DYNC2H1: variants seen among roughly 807,000 people sequenced by gnomAD.
DYNC2H1 encodes cytoplasmic dynein 2 heavy chain 1.
DYNC2H1 carries 410 observed loss-of-function variants against 570.0 expected under a neutral mutation model. The observed-to-expected ratio is 0.72, with a 90% CI of 0.66 to 0.78. The LOEUF (loss-of-function observed/expected upper bound fraction) is 0.78, where lower values mean the gene tolerates loss of function less well. Among genes scored for constraint, DYNC2H1 ranks in the 30% least tolerant of loss-of-function variants. The pLI, the probability that DYNC2H1 is intolerant of heterozygous loss-of-function variation, is 0.00. For synonymous variants in DYNC2H1, 1,688 were observed against 1,677.6 expected (o/e 1.01, Z -0.15); for missense variants, 4,865 against 5,046.4 (o/e 0.96, Z 1.09).
At chr11:103,312,565 AACC>A (rs1419070097) in intron 79 of DYNC2H1, among the ~76,000 whole-genome samples, 11 of 76,620 alleles carry the variant, frequency 1.4e-4, no homozygotes, top group East Asian at 1.2e-3. Context: ...AAAAAAAAAA[AACC>A]AATTGTAATG....
At chr11:103,172,309 C>G (rs1861608079) in intron 34 of DYNC2H1, among the ~76,000 whole-genome samples, 1 of 152,040 alleles carries the variant, frequency 6.6e-6, no homozygotes, top group Non-Finnish European at 1.5e-5. Flanking sequence ...ACTTTGGAAT[C>G]CTCTTCCCTG....
At position 103,462,663 on chromosome 11, in the gene DYNC2H1, A is replaced by G. The variant is rs540874226; in HGVS notation, c.12649-5926A>G. ...AAAATAAAGAATACCTAATTTTTTCATTTAAACTGGGAATATTCAAAAGAT... is the reference window on the plus strand; with the variant it reads ...AAAATAAAGAATACCTAATTTTTTCGTTTAAACTGGGAATATTCAAAAGAT... On this transcript the variant is annotated intron_variant, in intron 87 of 88. Coordinates refer to ENST00000375735, the MANE Select transcript of DYNC2H1 (RefSeq NM_001377.3). Among the ~76,000 whole-genome samples the G allele has an allele frequency of 4.6e-5, 7 of 152,312 alleles. No individual in the cohort carries two copies. In the South Asian group the frequency reaches 1.0e-3, roughly 23 times the overall value.
chr11:103,167,291 A>G (rs1404366330), intron 31 of DYNC2H1, among the ~76,000 whole-genome samples: 1 of 150,946 alleles, frequency 6.6e-6, no homozygotes, highest in Non-Finnish European at 1.5e-5. Context: ...GGGCGGGGAC[A>G]GGTTCTTGCT....
Position 103,177,802 on chromosome 11 carries a change from G to A in DYNC2H1, c.6121G>A (p.Val2041Met). ...TGTTTTGACAAATAGTGCTCGTCAA[G>A]TGGTTCGGGAACCTCAAGGTTAGTC... ...DGVLTNSARQ[V>M]VREPQDVSSW... Residue 2041 changes from valine to methionine, a missense_variant, in exon 38 of 89, where the codon GTG becomes ATG. By Grantham distance (21) the Val-to-Met change is conservative. This residue lies in a region of DYNC2H1 where 231 missense variants were observed against 310.3 expected (regional missense o/e 0.74). Coordinates refer to ENST00000375735, the MANE Select transcript of DYNC2H1 (RefSeq NM_001377.3). The surrounding 1 kb of genome is among the most constrained non-coding windows in gnomAD (Gnocchi z 4.4). 5 of 1,611,284 alleles carry A rather than the reference G, an allele frequency of 3.1e-6. No individual in the cohort carries two copies. Among genetic ancestry groups the A allele is most frequent in the Non-Finnish European group, 4.2e-6 (5 of 1,178,900 alleles).
At chr11:103,236,836 A>G (rs1278206005) in intron 63 of DYNC2H1, among the ~76,000 whole-genome samples, 1 of 152,072 alleles carries the variant, frequency 6.6e-6, no homozygotes. Flanking sequence ...CATTGGTTAT[A>G]TAGTTTCTTC....
intron 47 of DYNC2H1, among the ~76,000 whole-genome samples, chr11:103,197,027 A>C (rs958509823): frequency 2.0e-5 from 3 of 152,128 alleles, no homozygotes; most frequent in African/African-American, 7.2e-5. Flanking sequence ...GAAAAAGTTC[A>C]ATAGAATGAT....
Position 103,243,556 on chromosome 11 carries a change from G to T in DYNC2H1, c.9820-137G>T. 1 of 690,512 alleles carries T rather than the reference G, an allele frequency of 1.4e-6. No individual in the cohort carries two copies. 42.8% of individuals were successfully genotyped at this position (690,512 alleles called of 1,614,324 possible). On this transcript the variant is annotated intron_variant, in intron 63 of 88. Transcript: ENST00000375735. This position sits in a 1 kb window ranked among gnomAD's most constrained non-coding sequence, Gnocchi z 4.8. The stretch of plus-strand genomic sequence containing the variant: ...ACTGTATTTTTGTTTCTTTTTCATG[G>T]TTGTATATTTGTGTTCTCCAAAGCT...
rs1863890318 is a variant in DYNC2H1 at position 103,228,730 on chromosome 11, C to G, written c.9354-2530C>G. Among the ~76,000 whole-genome samples, 1 of 152,194 alleles carries G rather than the reference C, an allele frequency of 6.6e-6. No individual in the cohort carries two copies. Among genetic ancestry groups the G allele is most frequent in the Admixed American group, 6.5e-5 (1 of 15,278 alleles). On this transcript the variant is annotated intron_variant, in intron 59 of 88. Coordinates refer to ENST00000375735, the MANE Select transcript of DYNC2H1 (RefSeq NM_001377.3). This position sits in a 1 kb window ranked among gnomAD's most constrained non-coding sequence, Gnocchi z 6.1. ...TGTGGTCCTATAGGGAGGATGCAAA[C>G]TTGCCCTAGGGACACCTGGTTAACT...
chr11:103,237,066 CA>C (rs968488920), intron 63 of DYNC2H1, among the ~76,000 whole-genome samples: 2 of 151,806 alleles, frequency 1.3e-5, no homozygotes, highest in Non-Finnish European at 2.9e-5. Flanking sequence ...GTGTGAAAAC[CA>C]AATTCAAAGC....
chr11:103,443,188 C>G (rs1436159761), intron 85 of DYNC2H1, among the ~76,000 whole-genome samples: 1 of 151,958 alleles, frequency 6.6e-6, no homozygotes, highest in African/African-American at 2.4e-5. Flanking sequence ...GTGAACAAAA[C>G]ATTGTGTACT....
At chr11:103,477,822 C>T (rs1394910004) in intron 88 of DYNC2H1, among the ~76,000 whole-genome samples, 2 of 113,600 alleles carry the variant, frequency 1.8e-5, no homozygotes, top group South Asian at 3.3e-4. Context: ...CAGAGCAAGA[C>T]TCCCCATCTC....
chr11:103,443,669 TTA>T (rs994299039), intron 85 of DYNC2H1, among the ~76,000 whole-genome samples: 1 of 151,892 alleles, frequency 6.6e-6, no homozygotes, highest in African/African-American at 2.4e-5. Flanking sequence ...AGTTTTTTTT[TTA>T]ACCTCCATAG....
In DYNC2H1 at chr11:103,168,792, T is replaced by C. The variant is rs1252341986; in HGVS notation, c.4800T>C (p.Ile1600=). The C allele has an allele frequency of 6.2e-7, 1 of 1,613,192 alleles. No individual in the cohort carries two copies. Among genetic ancestry groups the C allele is most frequent in the Non-Finnish European group, 8.5e-7 (1 of 1,179,508 alleles). Residue 1600 remains isoleucine (I), a synonymous_variant, in exon 32 of 89, where the codon ATT becomes ATC. Coordinates refer to ENST00000375735, the MANE Select transcript of DYNC2H1 (RefSeq NM_001377.3). ...GILELKLKAL[I]LDIIHNIDVV... ...TGGAGCTTAAACTTAAAGCCCTAAT[T>C]CTTGACATTATCCATAATATTGATG...
intron 84 of DYNC2H1, among the ~76,000 whole-genome samples, chr11:103,429,514 C>T (rs1429425356): frequency 6.6e-6 from 1 of 151,934 alleles, no homozygotes. Context: ...TGGAGCTGAA[C>T]AAAGGTCTTG....
rs117512171 is a variant in DYNC2H1 at position 103,239,604 on chromosome 11, C to T, written c.9819+3065C>T. Among the ~76,000 whole-genome samples, 111 of 151,468 alleles carry T rather than the reference C, an allele frequency of 7.3e-4. No homozygotes were observed. Among genetic ancestry groups the T allele is most frequent in the Admixed American group, 1.6e-3 (24 of 15,136 alleles). ...CAAGTGGTAGAGCCAGGATTCAAAC[C>T]CAGGCCACCTAGCTCCTGTCTATAC... On this transcript the variant is annotated intron_variant, in intron 63 of 88. Transcript: ENST00000375735. The surrounding 1 kb of genome is among the most constrained non-coding windows in gnomAD (Gnocchi z 4.3).
At chr11:103,262,517 A>G (rs144603100) in intron 70 of DYNC2H1, among the ~76,000 whole-genome samples, 3,437 of 152,282 alleles carry the variant, frequency 0.023, 117 homozygotes, top group African/African-American at 0.077. Context: ...CAGAAACCCT[A>G]CAAGCCAGAA....
At chr11:103,384,284 C>T (rs78027273) in intron 83 of DYNC2H1, among the ~76,000 whole-genome samples, 11 of 151,912 alleles carry the variant, frequency 7.2e-5, no homozygotes, top group Admixed American at 6.6e-4. Context: ...TTCCCTTTAG[C>T]GCTTATGTTT....
Position 103,152,298 on chromosome 11 carries a change from T to C in DYNC2H1, c.3096+13T>C, listed in dbSNP as rs1860597616. The C allele has an allele frequency of 6.4e-7, 1 of 1,564,488 alleles. No individual in the cohort carries two copies. The highest frequency in any genetic ancestry group is 2.3e-5 in the East Asian group (1 of 43,626). The stretch of plus-strand genomic sequence containing the variant: ...GATTAAAGACCAGGTTAGAATCTTT[T>C]AATTATTTATTAAAATGGGAACTTT... On this transcript the variant is annotated intron_variant, in intron 21 of 88. Transcript: ENST00000375735.
rs1863528586 is a variant in DYNC2H1, at chr11:103,220,061, A to AT, written c.8946+38dup. The AT allele has an allele frequency of 5.7e-6, 7 of 1,217,570 alleles. No individual in the cohort carries two copies. The East Asian group carries it at 2.2e-4, about 38-fold the overall frequency. 75.4% of individuals were successfully genotyped at this position (1,217,570 alleles called of 1,614,324 possible). A position where few individuals can be genotyped will look rare whatever the true frequency, so the allele number is the denominator to read the frequency against. On this transcript the variant is annotated intron_variant, in intron 56 of 88. Coordinates refer to ENST00000375735, the MANE Select transcript of DYNC2H1 (RefSeq NM_001377.3). ...AAAAAACATTCTAAGATCCATTTAC[A>AT]TTTTTGCTTACCAGTTATATGTAGG...
Sources: allele counts gnomAD v4.1 joint callset (sites outside exome capture counted in the v4.1 genomes callset), GRCh38; gene constraint gnomAD v4.1.1; regional missense constraint gnomAD v4.1.1; non-coding constraint Gnocchi (gnomAD v3.1); transcripts MANE v1.5; gene names NCBI Gene and HGNC (gene_info 2026-07-23, HGNC 2026-07-21).